Variants in PSMD1 observed in about 807,000 individuals in gnomAD.
PSMD1 encodes the protein proteasome 26S subunit, non-ATPase 1, also known as 26S proteasome non-ATPase regulatory subunit 1.
Under a neutral mutation model 119.0 loss-of-function variants are expected in PSMD1, and 18 were observed. The ratio of observed to expected loss-of-function variants is 0.15; its 90% CI spans 0.10 to 0.22. PSMD1 has a LOEUF of 0.22. Among genes scored for constraint, PSMD1 ranks in the 10% least tolerant of loss-of-function variants. PSMD1 has a pLI of 1.00. For missense variants in PSMD1, 702 were observed against 1,158.5 expected (o/e 0.61, Z 5.72); for synonymous variants, 374 against 396.6 (o/e 0.94, Z 0.68).
At chr2:231,139,576 GA>G (rs1167616604) in intron 17 of PSMD1, among the ~76,000 whole-genome samples, 1 of 129,234 alleles carries the variant, frequency 7.7e-6, no homozygotes, top group Non-Finnish European at 1.6e-5. Flanking sequence ...AAAAAAAAAA[GA>G]AGAAGAAGAA....
chr2:231,165,029 TATATTTATATATA>T, intron 21 of PSMD1, 158 bp from the exon 22 acceptor site: 1 of 24,650 alleles, frequency 4.1e-5, no homozygotes, highest in East Asian at 1.8e-3. Flanking sequence ...TTGATTTATA[TATATTTATATATA>T]TATATATATA....
At chr2:231,111,615 AT>A (rs749673176) in intron 16 of PSMD1, among the ~76,000 whole-genome samples, 2 of 152,184 alleles carry the variant, frequency 1.3e-5, no homozygotes, top group Non-Finnish European at 2.9e-5. Context: ...AACTGAGCTT[AT>A]TGTCATCTGC....
intron 16 of PSMD1, among the ~76,000 whole-genome samples, chr2:231,116,420 A>ACT (rs976079212): frequency 6.6e-6 from 1 of 151,906 alleles, no homozygotes; most frequent in African/African-American, 2.4e-5. Flanking sequence ...TGAAGTCCTT[A>ACT]CTCTCTCTGT....
chr2:231,127,119 T>C (rs956869761), intron 16 of PSMD1, among the ~76,000 whole-genome samples: 7 of 152,128 alleles, frequency 4.6e-5, no homozygotes, highest in African/African-American at 1.7e-4. Context: ...GTGGTAGATG[T>C]AGATAGTACA....
At chr2:231,146,166 C>T in intron 17 of PSMD1, 74 bp from the exon 18 acceptor site, 1 of 978,930 alleles carries the variant, frequency 1.0e-6, no homozygotes, top group Non-Finnish European at 1.6e-6. Flanking sequence ...CGTTACATGG[C>T]ATGTGACTAT....
intron 16 of PSMD1, among the ~76,000 whole-genome samples, chr2:231,118,378 A>G (rs1695416406): frequency 6.6e-6 from 1 of 152,174 alleles, no homozygotes; most frequent in South Asian, 2.1e-4. Flanking sequence ...CATGCATCTG[A>G]TTCAGCTTAA....
chr2:231,121,413 A>C (rs1346725150), intron 16 of PSMD1, among the ~76,000 whole-genome samples: 1 of 152,192 alleles, frequency 6.6e-6, no homozygotes, highest in Non-Finnish European at 1.5e-5. Flanking sequence ...CATTTGGAAG[A>C]ATGAAATAAT....
intron 12 of PSMD1, among the ~76,000 whole-genome samples, chr2:231,081,205 C>T (rs1161587055): frequency 6.6e-6 from 1 of 150,872 alleles, no homozygotes; most frequent in Non-Finnish European, 1.5e-5. Flanking sequence ...TTAATAAGCC[C>T]CTTAGCCACA....
intron 16 of PSMD1, among the ~76,000 whole-genome samples, chr2:231,106,421 C>T (rs1490011877): frequency 6.6e-6 from 1 of 152,058 alleles, no homozygotes. Flanking sequence ...GAGTGGAGAC[C>T]AGGCTGACCA....
chr2:231,077,138 C>A lies in PSMD1; in HGVS notation c.1047C>A (p.Asp349Glu). 1 of 1,540,192 alleles carries A rather than the reference C, an allele frequency of 6.5e-7. No individual in the cohort carries two copies. The highest frequency in any genetic ancestry group is 8.8e-7 in the Non-Finnish European group (1 of 1,139,690). ...LQFLIRNNNTDLMILKNTKDA... is the reference protein window; with the variant it reads ...LQFLIRNNNTELMILKNTKDA... ...TCTTAATACGAAACAATAATACAGA[C>A]CTCATGATTCTAAAAAACACAAAGG... The change falls in exon 9 of 25, where the codon GAC becomes GAA. Residue 349 changes from aspartate to glutamate, a missense_variant. Around this residue, in one of 9 missense-constraint regions of PSMD1, gnomAD observed 272 missense variants for 511.6 expected, o/e 0.53. Transcript: ENST00000308696.
rs371258151 is a variant in PSMD1, at chr2:231,061,354, T to C, written c.60+44T>C. On this transcript the variant is annotated intron_variant, in intron 2 of 24. Coordinates refer to ENST00000308696, the MANE Select transcript of PSMD1 (RefSeq NM_002807.4). Reference sequence around the variant, plus strand: ...GTAACTAGGCTTAGTGTGAATACTGTGAAGCCTTTTGAATTTAGTGATATC... The same window carrying C: ...GTAACTAGGCTTAGTGTGAATACTGCGAAGCCTTTTGAATTTAGTGATATC... 15 of 1,421,568 alleles carry C rather than the reference T, an allele frequency of 1.1e-5. No individual in the cohort carries two copies. The African/African-American group carries it at 2.0e-4, about 19-fold the overall frequency. The allele number at this position is 1,421,568 out of a possible 1,614,324, so 88.1% of individuals were successfully genotyped here. A position where few individuals can be genotyped will look rare whatever the true frequency, so the allele number is the denominator to read the frequency against.
intron 1 of PSMD1, among the ~76,000 whole-genome samples, chr2:231,059,923 T>G (rs1032615730): frequency 1.2e-4 from 18 of 152,212 alleles, no homozygotes; most frequent in Non-Finnish European, 2.4e-4. Context: ...AGGCTGAGTT[T>G]CCAAGCCAGG....
chr2:231,140,636 G>C (rs1696085498), intron 17 of PSMD1, among the ~76,000 whole-genome samples: 1 of 152,082 alleles, frequency 6.6e-6, no homozygotes, highest in Non-Finnish European at 1.5e-5. Flanking sequence ...ACAGCACTTT[G>C]GGAGGCCCAG....
intron 16 of PSMD1, among the ~76,000 whole-genome samples, chr2:231,112,954 C>T (rs1695204987): frequency 6.6e-6 from 1 of 152,092 alleles, no homozygotes; most frequent in Admixed American, 6.5e-5. Context: ...CGCCAGAGCT[C>T]AAGAGTTTGA....
At chr2:231,095,678 C>T (rs559532126) in intron 16 of PSMD1, among the ~76,000 whole-genome samples, 1 of 152,300 alleles carries the variant, frequency 6.6e-6, no homozygotes, top group African/African-American at 2.4e-5. Flanking sequence ...GCAAATTTTT[C>T]TCTGTCCTGT....
At chr2:231,098,763 A>G (rs145855566) in intron 16 of PSMD1, among the ~76,000 whole-genome samples, 256 of 152,314 alleles carry the variant, frequency 1.7e-3, no homozygotes, top group African/African-American at 5.7e-3. Context: ...GAATTGGTCA[A>G]TTTGGTCTGC....
intron 1 of PSMD1, among the ~76,000 whole-genome samples, chr2:231,059,008 A>G (rs921765346): frequency 1.3e-5 from 2 of 152,132 alleles, no homozygotes; most frequent in Admixed American, 1.3e-4. Flanking sequence ...TCACAATTCT[A>G]GAATACTGCT....
chr2:231,128,105 T>G (rs1394796343), intron 16 of PSMD1, among the ~76,000 whole-genome samples: 1 of 152,240 alleles, frequency 6.6e-6, no homozygotes, highest in African/African-American at 2.4e-5. Context: ...AAGAACACTT[T>G]TTTACCTCTC....
In PSMD1 at chr2:231,056,869, C is replaced by G; in HGVS notation, c.-157C>G. ...CGGGCAGCCCCTGGGCGGGCGGGGTCCTGGCGAGAAGCGAGCCGGCGGCCT... is the reference window on the plus strand; with the variant it reads ...CGGGCAGCCCCTGGGCGGGCGGGGTGCTGGCGAGAAGCGAGCCGGCGGCCT... On this transcript the variant is annotated 5_prime_UTR_variant, in exon 1 of 25. Coordinates refer to ENST00000308696, the MANE Select transcript of PSMD1 (RefSeq NM_002807.4). 1 of 1,021,524 alleles carries G rather than the reference C, an allele frequency of 9.8e-7. No homozygotes were observed. The highest frequency in any genetic ancestry group is 1.4e-5 in the South Asian group (1 of 69,694). 63.3% of individuals were successfully genotyped at this position (1,021,524 alleles called of 1,614,324 possible).
Sources: allele counts gnomAD v4.1 joint callset (sites outside exome capture counted in the v4.1 genomes callset), GRCh38; gene constraint gnomAD v4.1.1; regional missense constraint gnomAD v4.1.1; transcripts MANE v1.5; gene names NCBI Gene and HGNC (gene_info 2026-07-23, HGNC 2026-07-21).